The following KCNB2 variants were observed in gnomAD, a reference collection of about 807,000 sequenced individuals.
The protein encoded by KCNB2 is delayed rectifier potassium channel protein.
A neutral mutation model predicts 61.5 loss-of-function variants in KCNB2; 15 were observed. The ratio of observed to expected loss-of-function variants is 0.24; its 90% CI spans 0.16 to 0.38. KCNB2 has a LOEUF of 0.38. Among genes scored for constraint, KCNB2 ranks in the 10% least tolerant of loss-of-function variants. The pLI is 1.00. For missense variants in KCNB2, 828 were observed against 1,125.2 expected (o/e 0.74, Z 3.78); for synonymous variants, 457 against 446.0 (o/e 1.02, Z -0.31).
intron 2 of KCNB2, among the ~76,000 whole-genome samples, chr8:72,849,383 A>G (rs1245031624): frequency 6.6e-6 from 1 of 152,122 alleles, no homozygotes; most frequent in Non-Finnish European, 1.5e-5. Context: ...GAAACTATAC[A>G]TGATAACTAT....
Position 72,808,841 on chromosome 8 carries a change from C to A in KCNB2, c.580-127094C>A, listed in dbSNP as rs527857196. Among the ~76,000 whole-genome samples, 11 of 152,174 alleles carry A rather than the reference C, an allele frequency of 7.2e-5. No homozygotes were observed. In the East Asian group the frequency reaches 2.1e-3, roughly 29 times the overall value. Reference sequence around the variant, plus strand: ...AATCTGCATCAAATCTTTTACACACCCATAGTACACATTCATTGCACTCAT... The same window carrying A: ...AATCTGCATCAAATCTTTTACACACACATAGTACACATTCATTGCACTCAT... On this transcript the variant is annotated intron_variant, in intron 2 of 2. Transcript: ENST00000523207.
chr8:72,667,679 C>G (rs891308002), intron 2 of KCNB2, among the ~76,000 whole-genome samples: 26 of 152,100 alleles, frequency 1.7e-4, no homozygotes, highest in Non-Finnish European at 1.5e-5. Flanking sequence ...CTCACCCCAG[C>G]CCCATTTAAA....
At chr8:72,900,842 A>T (rs1358640533) in intron 2 of KCNB2, among the ~76,000 whole-genome samples, 1 of 152,156 alleles carries the variant, frequency 6.6e-6, no homozygotes, top group Non-Finnish European at 1.5e-5. Context: ...GTCAAATATT[A>T]ACCAATATTA....
At chr8:72,694,067 A>G (rs1585834484) in intron 2 of KCNB2, among the ~76,000 whole-genome samples, 1 of 152,254 alleles carries the variant, frequency 6.6e-6, no homozygotes, top group South Asian at 2.1e-4. Flanking sequence ...TTTTAATATT[A>G]TCTGCTGTCC....
chr8:72,806,539 C>T (rs1809226017), intron 2 of KCNB2, among the ~76,000 whole-genome samples: 2 of 151,358 alleles, frequency 1.3e-5, no homozygotes, highest in African/African-American at 2.4e-5. Flanking sequence ...CACTTGAACC[C>T]GGGAGGCAGA....
intron 2 of KCNB2, among the ~76,000 whole-genome samples, chr8:72,902,783 G>T (rs182161351): frequency 6.6e-6 from 1 of 152,284 alleles, no homozygotes; most frequent in African/African-American, 2.4e-5. Flanking sequence ...TTACTGACTT[G>T]TTCTGTGATT....
At chr8:72,625,325 A>T (rs1805772633) in intron 2 of KCNB2, among the ~76,000 whole-genome samples, 1 of 152,376 alleles carries the variant, frequency 6.6e-6, no homozygotes, top group South Asian at 2.1e-4. Flanking sequence ...AATCTAAAAC[A>T]TAGACATTTT....
In KCNB2 at chr8:72,748,777, T is replaced by C. The variant is rs368424745; in HGVS notation, c.579+180464T>C. 2.0e-5 allele frequency among the ~76,000 whole-genome samples: 3 copies of C among 152,096 alleles called. No individual in the cohort carries two copies. The East Asian group carries it at 5.8e-4, about 29-fold the overall frequency. Reference sequence around the variant, plus strand: ...TATACTTATTGTGTACATGATGTTTTGAAATATGCATACATTATGAAATGG... The same window carrying C: ...TATACTTATTGTGTACATGATGTTTCGAAATATGCATACATTATGAAATGG... On this transcript the variant is annotated intron_variant, in intron 2 of 2. Coordinates refer to ENST00000523207, the MANE Select transcript of KCNB2 (RefSeq NM_004770.3).
chr8:72,575,839 AT>A (rs1806786214), intron 2 of KCNB2, among the ~76,000 whole-genome samples: 1 of 152,218 alleles, frequency 6.6e-6, no homozygotes, highest in South Asian at 2.1e-4. Flanking sequence ...AATGTTTCAA[AT>A]TATTTTAATT....
intron 2 of KCNB2, among the ~76,000 whole-genome samples, chr8:72,835,280 C>T (rs1809763369): frequency 6.6e-6 from 1 of 151,998 alleles, no homozygotes. Context: ...AATAATATAC[C>T]TCACCACCCT....
chr8:72,741,417 T>C (rs1807957477), intron 2 of KCNB2, among the ~76,000 whole-genome samples: 1 of 152,188 alleles, frequency 6.6e-6, no homozygotes, highest in Non-Finnish European at 1.5e-5. Context: ...ATATTTCTTT[T>C]CTTATTATTA....
intron 2 of KCNB2, among the ~76,000 whole-genome samples, chr8:72,690,539 T>C (rs1458391574): frequency 6.6e-6 from 1 of 152,234 alleles, no homozygotes; most frequent in Non-Finnish European, 1.5e-5. Flanking sequence ...GCACTTTCTG[T>C]AATTCTTGGT....
chr8:72,916,084 A>G, intron 2 of KCNB2, among the ~76,000 whole-genome samples: 1 of 152,188 alleles, frequency 6.6e-6, no homozygotes, highest in Non-Finnish European at 1.5e-5. Flanking sequence ...TGGTCTCAGG[A>G]GACCATTTCT....
intron 2 of KCNB2, among the ~76,000 whole-genome samples, chr8:72,757,356 A>C (rs2246155): frequency 0.34 from 51,008 of 152,016 alleles, 8,927 homozygotes; most frequent in African/African-American, 0.42. Flanking sequence ...GGAAAGGGAG[A>C]CAGCAAATAC....
At chr8:72,792,839 G>A (rs950114024) in intron 2 of KCNB2, among the ~76,000 whole-genome samples, 4 of 152,180 alleles carry the variant, frequency 2.6e-5, no homozygotes, top group African/African-American at 4.8e-5. Context: ...CAGCCATATG[G>A]AAGATAGCAT....
chr8:72,691,959 G>A (rs112283134), intron 2 of KCNB2, among the ~76,000 whole-genome samples: 3,885 of 152,124 alleles, frequency 0.026, 68 homozygotes, highest in South Asian at 0.074. Context: ...GAAGCTGGCC[G>A]GGTGCGGTGG....
intron 2 of KCNB2, among the ~76,000 whole-genome samples, chr8:72,631,393 G>T (rs1220256076): frequency 6.6e-6 from 1 of 152,156 alleles, no homozygotes; most frequent in Non-Finnish European, 1.5e-5. Context: ...TGGTTTGCTG[G>T]CAATCCTTAA....
intron 2 of KCNB2, among the ~76,000 whole-genome samples, chr8:72,648,906 T>C (rs529287613): frequency 2.4e-4 from 36 of 152,266 alleles, no homozygotes; most frequent in African/African-American, 8.4e-4. Flanking sequence ...TAGGCACTAC[T>C]TTATAAGAAT....
chr8:72,716,058 C>T (rs931366003), intron 2 of KCNB2, among the ~76,000 whole-genome samples: 31 of 152,188 alleles, frequency 2.0e-4, no homozygotes, highest in African/African-American at 7.2e-4. Context: ...ACTAGAAAAT[C>T]TAGAAGAAAT....
Sources: allele counts gnomAD v4.1 joint callset (sites outside exome capture counted in the v4.1 genomes callset), GRCh38; gene constraint gnomAD v4.1.1; transcripts MANE v1.5; gene names NCBI Gene and HGNC (gene_info 2026-07-23, HGNC 2026-07-21).